The following TAB2 variants were observed in gnomAD, a reference collection of about 807,000 sequenced individuals.
TAB2 encodes TGF-beta activated kinase 1 (MAP3K7) binding protein 2, also known as TGF-beta-activated kinase 1 and MAP3K7-binding protein 2.
A neutral mutation model predicts 65.0 loss-of-function variants in TAB2; 3 were observed. The observed-to-expected ratio is 0.05, with a 90% CI of 0.02 to 0.12. The LOEUF is 0.12. Ranked by LOEUF, TAB2 falls within the 10% of genes least tolerant of loss-of-function variation. The pLI, the probability that TAB2 is intolerant of heterozygous loss-of-function variation, is 1.00. For missense variants in TAB2, 623 were observed against 840.3 expected, an observed-to-expected ratio of 0.74 and a Z score of 3.20; for synonymous variants, 298 against 285.1, an observed-to-expected ratio of 1.05 and a Z score of -0.46.
intron 1 of TAB2, among the ~76,000 whole-genome samples, chr6:149,333,925 CTAG>C (rs992033222): frequency 3.9e-5 from 6 of 152,082 alleles, no homozygotes; most frequent in Non-Finnish European, 8.8e-5. Flanking sequence ...AATTCTTTGT[CTAG>C]TAGGACAAAC....
chr6:149,224,006 A>G (rs1054603455), intron 1 of TAB2, among the ~76,000 whole-genome samples: 4 of 152,186 alleles, frequency 2.6e-5, no homozygotes, highest in African/African-American at 7.2e-5. Flanking sequence ...GCAGCCAGAT[A>G]TGTAGAGTAC....
At chr6:149,308,983 C>T (rs1779119576) in intron 1 of TAB2, among the ~76,000 whole-genome samples, 2 of 151,376 alleles carry the variant, frequency 1.3e-5, no homozygotes, top group Admixed American at 1.3e-4. Context: ...TATACATAGC[C>T]AGCCTCTAGT....
Position 149,378,610 on chromosome 6 carries a change from A to T in TAB2, c.695A>T (p.His232Leu), listed in dbSNP as rs998144680. 2 of 1,613,490 alleles carry T rather than the reference A, an allele frequency of 1.2e-6. No individual in the cohort carries two copies. Among genetic ancestry groups the T allele is most frequent in the African/African-American group, 1.3e-5 (1 of 75,036 alleles). Residue 232 changes from histidine to leucine, a missense_variant, in exon 3 of 7, where the codon CAT becomes CTT. By Grantham distance (99) the His-to-Leu change is moderately conservative (BLOSUM62 -3). Around this residue, in one of 3 missense-constraint regions of TAB2, gnomAD observed 550 missense variants for 665.7 expected, o/e 0.83. Transcript: ENST00000637181. The part of the protein sequence containing the change: ...PGGTTRQTQQ[H>L]SGWVSQFNPM... ...GGTACAACTCGACAGACACAACAGC[A>T]TTCTGGCTGGGTATCTCAGTTTAAT...
intron 1 of TAB2, among the ~76,000 whole-genome samples, chr6:149,254,562 T>C (rs2114660491): frequency 6.6e-6 from 1 of 152,334 alleles, no homozygotes; most frequent in Non-Finnish European, 1.5e-5. Context: ...TGATTGACAG[T>C]TCCACAGTCC....
intron 2 of TAB2, among the ~76,000 whole-genome samples, chr6:149,370,940 C>T (rs1781203437): frequency 6.6e-6 from 1 of 151,666 alleles, no homozygotes; most frequent in Admixed American, 6.6e-5. Flanking sequence ...GCAGCCCACA[C>T]CTGTGGTCCC....
chr6:149,369,873 C>A, intron 1 of TAB2, 36 bp from the exon 2 acceptor site: 1 of 747,894 alleles, frequency 1.3e-6, no homozygotes, highest in South Asian at 1.5e-5. Context: ...CTTCTATAAT[C>A]AGTTCTCATT....
chr6:149,258,852 G>A (rs1489148411), intron 1 of TAB2, among the ~76,000 whole-genome samples: 1 of 152,222 alleles, frequency 6.6e-6, no homozygotes, highest in Non-Finnish European at 1.5e-5. Context: ...TTAAAGTAGG[G>A]AGATTATTCT....
At chr6:149,240,599 G>A (rs1777579591) in intron 1 of TAB2, among the ~76,000 whole-genome samples, 1 of 151,890 alleles carries the variant, frequency 6.6e-6, no homozygotes, top group Admixed American at 6.6e-5. Flanking sequence ...AACATCTTAG[G>A]CTTGCTGCCT....
At position 149,261,458 on chromosome 6, in the gene TAB2, T is replaced by C. The variant is rs1778150592; in HGVS notation, c.-121+42682T>C. Reference sequence around the variant, plus strand: ...TATTTTAAAAAGCATGTGTTTTTCATAGCGTACTTCACTTTATACCAATGA... The same window carrying C: ...TATTTTAAAAAGCATGTGTTTTTCACAGCGTACTTCACTTTATACCAATGA... On this transcript the variant is annotated intron_variant, in intron 1 of 1. Transcript: ENST00000606202. Among the ~76,000 whole-genome samples the C allele has an allele frequency of 1.3e-5, 2 of 152,240 alleles. 1 individual carries two copies. The highest frequency in any genetic ancestry group is 4.1e-4 in the South Asian group (2 of 4,830).
chr6:149,300,375 A>G lies in TAB2; in HGVS notation c.-120-77643A>G, dbSNP rs145071303. On this transcript the variant is annotated intron_variant, in intron 1 of 1. Coordinates refer to the TAB2 transcript ENST00000606202. ...TTGACAGGGTCAGATAATTTTGGTT[A>G]TAGAGCTGGTTCTGTCAATAACTCT... 2.6e-3 allele frequency among the ~76,000 whole-genome samples: 389 copies of G among 152,346 alleles called. 1 individual carries two copies. The highest frequency in any genetic ancestry group is 9.0e-3 in the African/African-American group (376 of 41,586).
At chr6:149,373,512 T>TG (rs145415789) in intron 2 of TAB2, among the ~76,000 whole-genome samples, 7,650 of 152,290 alleles carry the variant, frequency 0.05, 662 homozygotes, top group African/African-American at 0.18. Context: ...CTGAGATTCT[T>TG]GCGATCAGCG....
chr6:149,236,928 G>A (rs1390181474), intron 1 of TAB2, among the ~76,000 whole-genome samples: 1 of 152,204 alleles, frequency 6.6e-6, no homozygotes, highest in African/African-American at 2.4e-5. Flanking sequence ...TTGTAAGACT[G>A]ATATTTTGCT....
At chr6:149,398,100 T>C (rs764109101) in intron 5 of TAB2, 38 bp downstream of exon 5, 1 of 1,560,168 alleles carries the variant, frequency 6.4e-7, no homozygotes, top group Admixed American at 1.7e-5. Flanking sequence ...ATTCATCGTA[T>C]TTAATTCACC....
At chr6:149,310,568 A>AT (rs1562409056) in intron 1 of TAB2, among the ~76,000 whole-genome samples, 5 of 140,342 alleles carry the variant, frequency 3.6e-5, no homozygotes, top group Non-Finnish European at 7.8e-5. Flanking sequence ...TAATATATAT[A>AT]TTTTTTTTAA....
intron 1 of TAB2, chr6:149,245,075 C>G (rs942082867): frequency 6.6e-6 from 1 of 152,182 alleles, no homozygotes; most frequent in Non-Finnish European, 1.5e-5. Context: ...GAGTTTAAAC[C>G]CAGGCACTCA....
At chr6:149,397,886 C>T in intron 4 of TAB2, 83 bp from the exon 5 acceptor site, 1 of 1,576,044 alleles carries the variant, frequency 6.3e-7, no homozygotes, top group Non-Finnish European at 8.7e-7. Context: ...TCTGTCCTTA[C>T]TTTCTTGTGC....
intron 1 of TAB2, among the ~76,000 whole-genome samples, chr6:149,301,793 T>C (rs368218352): frequency 6.6e-6 from 1 of 152,314 alleles, no homozygotes; most frequent in East Asian, 1.9e-4. Context: ...ACCTTTAAAA[T>C]CTTATTTTTA....
chr6:149,229,884 T>G (rs748008907), intron 1 of TAB2: 1 of 152,220 alleles, frequency 6.6e-6, no homozygotes, highest in Non-Finnish European at 1.5e-5. Context: ...TGAATGGTCA[T>G]GTTATTATTT....
At chr6:149,372,710 AGG>A (rs1781270873) in intron 2 of TAB2, among the ~76,000 whole-genome samples, 1 of 152,196 alleles carries the variant, frequency 6.6e-6, no homozygotes, top group South Asian at 2.1e-4. Flanking sequence ...TAGGGTATCC[AGG>A]TAATGTACTT....
Sources: gnomAD v4.1 joint callset for allele counts (sites outside exome capture counted in the v4.1 genomes callset) on GRCh38, gnomAD v4.1.1 for gene constraint, gnomAD v4.1.1 regional missense constraint, MANE v1.5 for transcripts, NCBI Gene and HGNC (gene_info 2026-07-23, HGNC 2026-07-21) for gene names.